Variants in MTAP observed in about 807,000 individuals in gnomAD.
The protein encoded by MTAP is S-methyl-5'-thioadenosine phosphorylase.
In MTAP, 33 loss-of-function variants were observed where a neutral mutation model predicts 33.6. That is an observed-to-expected ratio of 0.98 (90% CI 0.74 to 1.31). MTAP has a LOEUF of 1.31. Among genes scored for constraint, MTAP ranks in the 40% most tolerant of loss-of-function variants. The pLI, the probability that MTAP is intolerant of heterozygous loss-of-function variation, is 0.00. For synonymous variants in MTAP, 148 were observed against 125.7 expected (o/e 1.18, Z -1.19); for missense variants, 367 against 360.0 (o/e 1.02, Z -0.16).
chr9:21,915,267 A>G (rs1473453840), intron 1 of MTAP, among the ~76,000 whole-genome samples: 1 of 150,484 alleles, frequency 6.6e-6, no homozygotes, highest in Non-Finnish European at 1.5e-5. Context: ...TTTTTTTTGT[A>G]TTTTTAGTAG....
intron 1 of MTAP, among the ~76,000 whole-genome samples, chr9:21,807,711 G>A (rs1824243987): frequency 1.3e-5 from 2 of 152,134 alleles, no homozygotes; most frequent in South Asian, 2.1e-4. Flanking sequence ...GCCAGGTTTT[G>A]TACTGCTCAG....
At chr9:21,874,341 G>GA (rs1825976092) in intron 1 of MTAP, among the ~76,000 whole-genome samples, 1 of 152,106 alleles carries the variant, frequency 6.6e-6, no homozygotes, top group Admixed American at 6.6e-5. Flanking sequence ...CTTAATGTCA[G>GA]AAAATATTTA....
chr9:21,880,461 T>G (rs1352280354), intron 1 of MTAP, among the ~76,000 whole-genome samples: 1 of 152,068 alleles, frequency 6.6e-6, no homozygotes, highest in Non-Finnish European at 1.5e-5. Flanking sequence ...TAAAACTATT[T>G]CTAATTCCCA....
chr9:21,862,058 G>A lies in MTAP; in HGVS notation c.*44G>A, dbSNP rs746554053. On this transcript the variant is annotated 3_prime_UTR_variant, in exon 8 of 8. Transcript: ENST00000644715. ...GAGAAAAGAAGACATTCTAATTCCAGTCATTTTGGGAATTCCTGCTTAACT... is the reference window on the plus strand; with the variant it reads ...GAGAAAAGAAGACATTCTAATTCCAATCATTTTGGGAATTCCTGCTTAACT... 1.8e-5 allele frequency: 29 copies of A among 1,608,578 alleles called. No individual in the cohort carries two copies. Among genetic ancestry groups the A allele is most frequent in the Non-Finnish European group, 2.3e-5 (27 of 1,178,292 alleles).
At chr9:21,873,948 G>A (rs1825971120) in intron 1 of MTAP, among the ~76,000 whole-genome samples, 1 of 152,000 alleles carries the variant, frequency 6.6e-6, no homozygotes, top group African/African-American at 2.4e-5. Context: ...TTTCATTTAG[G>A]GAAGATTAAC....
intron 1 of MTAP, chr9:21,930,899 C>G (rs990748948): frequency 1.3e-5 from 8 of 639,268 alleles, no homozygotes; most frequent in Non-Finnish European, 2.2e-5. Context: ...GGGATCTTCC[C>G]TGGGTTCTTC....
At chr9:21,893,373 TAGA>T (rs1219878127) in intron 1 of MTAP, 1 of 151,992 alleles carries the variant, frequency 6.6e-6, no homozygotes, top group Non-Finnish European at 1.5e-5. Context: ...ACCCAAAAGA[TAGA>T]AGGAGAAAAG....
chr9:21,840,850 C>G (rs1382027000), intron 5 of MTAP, among the ~76,000 whole-genome samples: 1 of 152,138 alleles, frequency 6.6e-6, no homozygotes, highest in Non-Finnish European at 1.5e-5. Flanking sequence ...GGTCCAAAGG[C>G]CATGCTTGCT....
intron 1 of MTAP, among the ~76,000 whole-genome samples, chr9:21,928,903 C>G (rs775501451): frequency 2.6e-5 from 4 of 151,464 alleles, no homozygotes; most frequent in Non-Finnish European, 4.4e-5. Flanking sequence ...AAGAAACTGC[C>G]AAAATCACCC....
At chr9:21,846,296 C>T (rs1191655949) in intron 5 of MTAP, among the ~76,000 whole-genome samples, 1 of 151,324 alleles carries the variant, frequency 6.6e-6, no homozygotes, top group Non-Finnish European at 1.5e-5. Flanking sequence ...AGCACAACAA[C>T]AAAAAATAAT....
chr9:21,870,011 C>T (rs796523074), downstream of MTAP, among the ~76,000 whole-genome samples: 10 of 152,292 alleles, frequency 6.6e-5, no homozygotes, highest in African/African-American at 2.4e-4. Context: ...TTTCCAAGAA[C>T]ACACCAGGCC....
At chr9:21,835,649 T>G (rs1297666632) in intron 4 of MTAP, among the ~76,000 whole-genome samples, 1 of 152,100 alleles carries the variant, frequency 6.6e-6, no homozygotes, top group Non-Finnish European at 1.5e-5. Flanking sequence ...ATAGAGACCT[T>G]CAGAAGGAGG....
chr9:21,812,813 G>GA, intron 1 of MTAP, among the ~76,000 whole-genome samples: 2 of 152,340 alleles, frequency 1.3e-5, no homozygotes. Flanking sequence ...GGGATATTGG[G>GA]AGAGGGCACA....
chr9:21,860,966 GTCGGTC>G (rs1825741119), intron 7 of MTAP: 1 of 152,100 alleles, frequency 6.6e-6, no homozygotes, highest in South Asian at 2.1e-4. Context: ...GTTTCATCAT[GTCGGTC>G]AGGCTGGTCT....
intron 4 of MTAP, among the ~76,000 whole-genome samples, chr9:21,828,527 A>C (rs1243630508): frequency 6.6e-6 from 1 of 152,104 alleles, no homozygotes; most frequent in Non-Finnish European, 1.5e-5. Flanking sequence ...TACAAAAAAA[A>C]AGTAGCCAGG....
downstream of MTAP, among the ~76,000 whole-genome samples, chr9:21,871,482 C>T (rs1825936372): frequency 6.6e-6 from 1 of 152,202 alleles, no homozygotes; most frequent in South Asian, 2.1e-4. Flanking sequence ...ACTAGTCACA[C>T]TGTATTATAA....
chr9:21,805,886 T>A (rs561388526), intron 1 of MTAP, among the ~76,000 whole-genome samples: 1 of 152,066 alleles, frequency 6.6e-6, no homozygotes, highest in East Asian at 1.9e-4. Flanking sequence ...AAAATAGGGA[T>A]AAAGGGTAAA....
At chr9:21,899,269 A>G (rs1470788156) in intron 1 of MTAP, among the ~76,000 whole-genome samples, 2 of 151,362 alleles carry the variant, frequency 1.3e-5, no homozygotes, top group Non-Finnish European at 2.9e-5. Context: ...GCATTAGAAG[A>G]TATACCTAAT....
At chr9:21,832,174 A>G (rs1478862601) in intron 4 of MTAP, among the ~76,000 whole-genome samples, 1 of 152,202 alleles carries the variant, frequency 6.6e-6, no homozygotes, top group Admixed American at 6.5e-5. Flanking sequence ...ACTCATCAGG[A>G]AAGTCCCGCT....
Sources: allele counts gnomAD v4.1 joint callset (sites outside exome capture counted in the v4.1 genomes callset), GRCh38; gene constraint gnomAD v4.1.1; transcripts MANE v1.5; gene names NCBI Gene and HGNC (gene_info 2026-07-23, HGNC 2026-07-21).